The following PECR variants were observed in gnomAD, a reference collection of about 807,000 sequenced individuals.
PECR encodes 2,4-dienoyl-CoA reductase-related protein.
In PECR, 30 loss-of-function variants were observed where a neutral mutation model predicts 35.3. The ratio of observed to expected loss-of-function variants is 0.85; its 90% CI spans 0.64 to 1.15. PECR has a LOEUF of 1.15. Ranked by LOEUF, PECR falls within the 50% of genes most tolerant of loss-of-function variation. The probability of loss-of-function intolerance (pLI) is 0.00; values close to 1 mark genes in which losing one functional copy is unlikely to be tolerated. For missense variants in PECR, 392 were observed against 370.8 expected (o/e 1.06, Z -0.47); for synonymous variants, 148 against 138.9 (o/e 1.07, Z -0.46).
At chr2:216,078,567 G>A (rs1647768) in intron 1 of PECR, among the ~76,000 whole-genome samples, 18,310 of 146,482 alleles carry the variant, frequency 0.12, 1,208 homozygotes, top group South Asian at 0.17. Flanking sequence ...CAGCCTGGGC[G>A]ACAGAGCGAA....
Position 216,031,673 on chromosome 2 carries a change from AAGAAAGAAAGAAAGAAAGAGAAAG to A in PECR, c.*440+7494_*440+7517del, listed in dbSNP as rs1390030165. On this transcript the variant is annotated intron_variant and NMD_transcript_variant, in intron 7 of 7. Transcript: ENST00000442122. ...AAAGAAAGAAAGAAAGAAAGAAAGA[AAGAAAGAAAGAAAGAAAGAGAAAG>A]AAAGAAAGAAAGAAAGGGAAATGAA... Among the ~76,000 whole-genome samples, 27 of 121,346 alleles carry A rather than the reference AAGAAAGAAAGAAAGAAAGAGAAAG, an allele frequency of 2.2e-4. No individual in the cohort carries two copies. The East Asian group carries it at 5.7e-3, about 26-fold the overall frequency. The allele number at this position is 121,346 out of a possible 152,430, so 79.6% of individuals were successfully genotyped here. A position where few individuals can be genotyped will look rare whatever the true frequency, so the allele number is the denominator to read the frequency against.
At chr2:216,030,670 GTAGCTGGGATTAT>G (rs1380613152) in intron 7 of PECR, among the ~76,000 whole-genome samples, 8 of 151,472 alleles carry the variant, frequency 5.3e-5, no homozygotes, top group Non-Finnish European at 1.0e-4. Flanking sequence ...AGCCTGCTAA[GTAGCTGGGATTAT>G]TAGCATGCAC....
rs1351779006 is a variant in PECR at position 216,061,689 on chromosome 2, AT to A, written c.425-2714del. On this transcript the variant is annotated intron_variant, in intron 3 of 7. Coordinates refer to ENST00000265322, the MANE Select transcript of PECR (RefSeq NM_018441.6). Reference sequence around the variant, plus strand: ...CTGTTATGAAATATAAAAAGTATGGATTTTTTTTAGAGTACAAGAAACTAAA... The same window carrying A: ...CTGTTATGAAATATAAAAAGTATGGATTTTTTTAGAGTACAAGAAACTAAA... Among the ~76,000 whole-genome samples the A allele has an allele frequency of 2.6e-5, 4 of 152,002 alleles. No individual in the cohort carries two copies. In the South Asian group the frequency reaches 8.3e-4, roughly 31 times the overall value.
At chr2:216,054,582 C>A (rs1054616170) in intron 4 of PECR, among the ~76,000 whole-genome samples, 14 of 151,550 alleles carry the variant, frequency 9.2e-5, no homozygotes, top group Admixed American at 2.0e-4. Flanking sequence ...GTGATCTACC[C>A]ACCTCAGCCT....
chr2:216,071,076 G>A (rs1451792912), intron 1 of PECR, among the ~76,000 whole-genome samples: 1 of 152,058 alleles, frequency 6.6e-6, no homozygotes, highest in Non-Finnish European at 1.5e-5. Flanking sequence ...TTCCGTCTTC[G>A]CATTCAGCTC....
At chr2:216,061,970 ATGTGTGTG>A (rs5838567) in intron 3 of PECR, among the ~76,000 whole-genome samples, 1 of 150,446 alleles carries the variant, frequency 6.6e-6, no homozygotes, top group African/African-American at 2.4e-5. Flanking sequence ...GTGTGTGAGT[ATGTGTGTG>A]TGTGTGCATG....
At chr2:216,038,183 A>G (rs1207375731), downstream of PECR, among the ~76,000 whole-genome samples, 1 of 152,232 alleles carries the variant, frequency 6.6e-6, no homozygotes, top group Non-Finnish European at 1.5e-5. Context: ...TTTGATTAAG[A>G]CAAAGAATGA....
At chr2:216,070,513 T>C (rs1201067678) in intron 1 of PECR, among the ~76,000 whole-genome samples, 2 of 152,232 alleles carry the variant, frequency 1.3e-5, no homozygotes, top group East Asian at 3.8e-4. Flanking sequence ...CCATGGTTAC[T>C]ACTTGAGACC....
chr2:216,035,203 T>C (rs530104681), downstream of PECR, among the ~76,000 whole-genome samples: 19 of 152,248 alleles, frequency 1.2e-4, no homozygotes, highest in Admixed American at 9.1e-4. Flanking sequence ...TGGAGAGACA[T>C]TGGAGGAGGA....
intron 3 of PECR, 63 bp downstream of exon 3, chr2:216,065,249 T>C (rs1001100587): frequency 4.5e-6 from 5 of 1,120,882 alleles, no homozygotes; most frequent in Non-Finnish European, 6.9e-6. Flanking sequence ...TCTGAGTCCC[T>C]AATAGGAATC....
chr2:216,052,922 C>G lies in PECR; in HGVS notation c.507-1377G>C, dbSNP rs181122705. Among the ~76,000 whole-genome samples, 3 of 152,136 alleles carry G rather than the reference C, an allele frequency of 2.0e-5. No homozygotes were observed. In the East Asian group the frequency reaches 5.8e-4, roughly 29 times the overall value. On this transcript the variant is annotated intron_variant, in intron 4 of 7. Coordinates refer to ENST00000265322, the MANE Select transcript of PECR (RefSeq NM_018441.6). ...AGGCTGGAATGCAGTGGCATGATCT[C>G]GGCTCACTGCAACCTCTGCTTCCTG...
At chr2:216,073,401 TA>T (rs908296641) in intron 1 of PECR, among the ~76,000 whole-genome samples, 1 of 152,192 alleles carries the variant, frequency 6.6e-6, no homozygotes, top group African/African-American at 2.4e-5. Flanking sequence ...GCAATTACTT[TA>T]TTTTTTTATA....
At chr2:216,044,187 T>C (rs1991533) in intron 6 of PECR, among the ~76,000 whole-genome samples, 172 bp from the exon 7 acceptor site, 110,509 of 152,142 alleles carry the variant, frequency 0.73, 40,298 homozygotes, top group African/African-American at 0.78. Flanking sequence ...TTTCCTACAA[T>C]TTCCCTTTCT....
chr2:216,032,270 G>C (rs1250304723), intron 7 of PECR, among the ~76,000 whole-genome samples: 1 of 152,182 alleles, frequency 6.6e-6, no homozygotes. Flanking sequence ...GAAAACAAAA[G>C]CCAAATGGTC....
intron 2 of PECR, 145 bp downstream of exon 2, chr2:216,066,240 C>T (rs2105962444): frequency 2.6e-6 from 2 of 779,870 alleles, no homozygotes; most frequent in South Asian, 2.8e-5. Context: ...AAATCATTAA[C>T]ATGAGAATCT....
chr2:216,042,607 A>C (rs370544951), intron 7 of PECR, among the ~76,000 whole-genome samples: 47 of 152,258 alleles, frequency 3.1e-4, no homozygotes, highest in Admixed American at 2.1e-3. Flanking sequence ...ACGTCTGTGG[A>C]TTTGTTTTGT....
intron 3 of PECR, among the ~76,000 whole-genome samples, chr2:216,061,194 T>A (rs1250327362): frequency 2.0e-5 from 3 of 147,348 alleles, no homozygotes; most frequent in Non-Finnish European, 3.0e-5. Flanking sequence ...AGTATGCACC[T>A]GTACCTCCAG....
At chr2:216,030,058 T>C (rs1024568217) in intron 7 of PECR, among the ~76,000 whole-genome samples, 2 of 152,174 alleles carry the variant, frequency 1.3e-5, no homozygotes, top group African/African-American at 4.8e-5. Flanking sequence ...CACCTTAAAA[T>C]TACTGCTTGC....
intron 1 of PECR, among the ~76,000 whole-genome samples, chr2:216,072,466 C>A (rs73056560): frequency 0.093 from 14,193 of 152,124 alleles, 1,252 homozygotes; most frequent in African/African-American, 0.23. Context: ...TATCCATCAC[C>A]TGAATAGTGG....
Sources: gnomAD v4.1 joint callset for allele counts (sites outside exome capture counted in the v4.1 genomes callset) on GRCh38, gnomAD v4.1.1 for gene constraint, MANE v1.5 for transcripts, NCBI Gene and HGNC (gene_info 2026-07-23, HGNC 2026-07-21) for gene names.